SORCS1: variants seen among roughly 807,000 people sequenced by gnomAD.
The protein encoded by SORCS1 is sortilin related VPS10 domain containing receptor 1.
Under a neutral mutation model 146.1 loss-of-function variants are expected in SORCS1, and 60 were observed. The ratio of observed to expected loss-of-function variants is 0.41; its 90% CI spans 0.33 to 0.51. The LOEUF is 0.51. Ranked by LOEUF, SORCS1 falls within the 20% of genes least tolerant of loss-of-function variation. The pLI is 0.21. For missense variants in SORCS1, 1,352 were observed against 1,487.6 expected, an observed-to-expected ratio of 0.91 and a Z score of 1.50; for synonymous variants, 637 against 584.0, an observed-to-expected ratio of 1.09 and a Z score of -1.31.
chr10:106,889,919 C>T (rs1049529737), intron 2 of SORCS1, among the ~76,000 whole-genome samples: 3 of 144,552 alleles, frequency 2.1e-5, no homozygotes, highest in African/African-American at 5.5e-5. Context: ...AAAGCACTTC[C>T]CTAGACCTAG....
chr10:106,700,254 C>T (rs1009397274), intron 8 of SORCS1, among the ~76,000 whole-genome samples: 1 of 152,074 alleles, frequency 6.6e-6, no homozygotes, highest in Non-Finnish European at 1.5e-5. Context: ...TTCTTTTTCC[C>T]CCATTCATAA....
chr10:107,088,234 C>A (rs1230320796), intron 1 of SORCS1, among the ~76,000 whole-genome samples: 2 of 152,076 alleles, frequency 1.3e-5, no homozygotes, highest in African/African-American at 4.8e-5. Flanking sequence ...GTTGTTCCCA[C>A]CCTTTCCCCT....
intron 24 of SORCS1, among the ~76,000 whole-genome samples, chr10:106,592,182 A>G (rs1845641110): frequency 6.6e-6 from 1 of 152,214 alleles, no homozygotes; most frequent in Non-Finnish European, 1.5e-5. Context: ...AATTTCAGAA[A>G]CATACCTGTC....
At chr10:106,979,644 A>G (rs2139330091) in intron 1 of SORCS1, among the ~76,000 whole-genome samples, 1 of 152,278 alleles carries the variant, frequency 6.6e-6, no homozygotes, top group East Asian at 1.9e-4. Flanking sequence ...ACATAACAAA[A>G]TTAGCTGGAA....
At chr10:106,592,795 G>T (rs1329213628) in intron 24 of SORCS1, among the ~76,000 whole-genome samples, 2 of 148,166 alleles carry the variant, frequency 1.3e-5, no homozygotes, top group Non-Finnish European at 3.0e-5. Context: ...TTTTTTTCAG[G>T]CTTCCTTCTC....
chr10:106,577,633 C>A, intron 25 of SORCS1, 78 bp from the exon 26 acceptor site: 1 of 1,581,182 alleles, frequency 6.3e-7, no homozygotes. Context: ...CAATGTGCTG[C>A]GATATCTTCC....
rs367815374 is a variant in SORCS1 at position 106,800,680 on chromosome 10, C to A, written c.727-23988G>T. The stretch of plus-strand genomic sequence containing the variant: ...GGGACTACAGGCGCACACCGCCACA[C>A]CCAGCTAATTTTTTTGTTTGTTTGT... On this transcript the variant is annotated intron_variant, in intron 3 of 25. Coordinates refer to ENST00000263054, the MANE Select transcript of SORCS1 (RefSeq NM_052918.5). 1.7e-4 allele frequency among the ~76,000 whole-genome samples: 26 copies of A among 152,086 alleles called. 1 individual carries two copies. Among genetic ancestry groups the A allele is most frequent in the African/African-American group, 4.6e-4 (19 of 41,518 alleles).
At chr10:106,994,888 T>C (rs993619663) in intron 1 of SORCS1, among the ~76,000 whole-genome samples, 5 of 152,196 alleles carry the variant, frequency 3.3e-5, no homozygotes, top group African/African-American at 9.7e-5. Context: ...CGTTTCTGCA[T>C]AGAAAGCAAA....
intron 1 of SORCS1, among the ~76,000 whole-genome samples, chr10:107,120,435 T>C (rs1452861916): frequency 1.3e-5 from 2 of 152,320 alleles, no homozygotes; most frequent in East Asian, 3.9e-4. Flanking sequence ...TATTATTCTA[T>C]TCTCTGATGG....
intron 24 of SORCS1, among the ~76,000 whole-genome samples, chr10:106,590,325 C>T (rs1337739524): frequency 6.6e-6 from 1 of 152,050 alleles, no homozygotes; most frequent in Non-Finnish European, 1.5e-5. Flanking sequence ...AGTATTTGTG[C>T]CTCAGGTCTA....
chr10:106,688,130 G>A, intron 10 of SORCS1, 62 bp downstream of exon 10: 1 of 1,569,912 alleles, frequency 6.4e-7, no homozygotes, highest in Non-Finnish European at 8.6e-7. Flanking sequence ...CTCACCCTCT[G>A]TTAAATATCC....
chr10:107,004,305 TG>T (rs1455924472), intron 1 of SORCS1, among the ~76,000 whole-genome samples: 3 of 152,152 alleles, frequency 2.0e-5, no homozygotes, highest in Non-Finnish European at 4.4e-5. Context: ...TGGTAATTCC[TG>T]TATTAGTCTG....
At chr10:107,173,482 A>G in the SORCS1 span, among the ~76,000 whole-genome samples, 1 of 152,292 alleles carries the variant, frequency 6.6e-6, no homozygotes, top group East Asian at 1.9e-4. Flanking sequence ...TTATATATAC[A>G]TTAAAACATC....
At chr10:106,593,920 T>C (rs1010881834) in intron 24 of SORCS1, among the ~76,000 whole-genome samples, 5 of 152,226 alleles carry the variant, frequency 3.3e-5, no homozygotes, top group African/African-American at 1.2e-4. Context: ...TTAGTCCTGC[T>C]TCCGAAACTC....
At chr10:106,744,654 G>T (rs993997396) in intron 5 of SORCS1, among the ~76,000 whole-genome samples, 1 of 152,024 alleles carries the variant, frequency 6.6e-6, no homozygotes, top group Admixed American at 6.6e-5. Context: ...TTCATTCTTT[G>T]TTTTGGGAAT....
intron 9 of SORCS1, among the ~76,000 whole-genome samples, chr10:106,698,650 T>C (rs769657412): frequency 6.6e-6 from 1 of 152,246 alleles, no homozygotes; most frequent in South Asian, 2.1e-4. Flanking sequence ...CTGTTCTTGA[T>C]GTTGTAGTTG....
chr10:106,928,733 A>C (rs903281125), intron 2 of SORCS1, among the ~76,000 whole-genome samples: 1 of 152,114 alleles, frequency 6.6e-6, no homozygotes, highest in Non-Finnish European at 1.5e-5. Context: ...GAGGTGTCCT[A>C]TTCTCCCGGG....
chr10:107,131,272 A>C (rs1033234090), intron 1 of SORCS1, among the ~76,000 whole-genome samples: 1 of 152,060 alleles, frequency 6.6e-6, no homozygotes, highest in Non-Finnish European at 1.5e-5. Context: ...TTCACATCAC[A>C]TTTCTGCCTT....
intron 1 of SORCS1, among the ~76,000 whole-genome samples, chr10:106,968,364 G>GT (rs1211283787): frequency 1.3e-5 from 2 of 152,214 alleles, no homozygotes. Flanking sequence ...TCTCAAATCA[G>GT]TATCTGTCTG....
Sources: gnomAD v4.1 joint callset for allele counts (sites outside exome capture counted in the v4.1 genomes callset) on GRCh38, gnomAD v4.1.1 for gene constraint, MANE v1.5 for transcripts, NCBI Gene and HGNC (gene_info 2026-07-23, HGNC 2026-07-21) for gene names.